Variants in ALK observed in about 807,000 individuals in gnomAD.
ALK encodes the protein ALK receptor tyrosine kinase.
In ALK, 74 loss-of-function variants were observed where a neutral mutation model predicts 163.1. The ratio of observed to expected loss-of-function variants is 0.45; its 90% confidence interval spans 0.38 to 0.55. The LOEUF (loss-of-function observed/expected upper bound fraction) is 0.55, where lower values mean the gene tolerates loss of function less well. Among genes scored for constraint, ALK ranks in the 20% least tolerant of loss-of-function variants. ALK has a pLI of 0.00. For missense variants in ALK, 2,063 were observed against 2,105.3 expected, an observed-to-expected ratio of 0.98 and a Z score of 0.39; for synonymous variants, 960 against 843.2, an observed-to-expected ratio of 1.14 and a Z score of -2.40.
chr2:29,620,363 A>T (rs746278787), intron 3 of ALK, among the ~76,000 whole-genome samples: 3 of 152,118 alleles, frequency 2.0e-5, no homozygotes. Context: ...TCCACCTCTT[A>T]TAAGGATCTA....
At position 29,600,650 on chromosome 2, in the gene ALK, T is replaced by G. The variant is rs373835096; in HGVS notation, c.953-68534A>C. Reference sequence around the variant, plus strand: ...CGTGCTCAGGACTGTTTGTGTACAGTGTCGATTGCATGGTGGGGGTGGCCC... The same window carrying G: ...CGTGCTCAGGACTGTTTGTGTACAGGGTCGATTGCATGGTGGGGGTGGCCC... On this transcript the variant is annotated intron_variant, in intron 3 of 28. Coordinates refer to ENST00000389048, the MANE Select transcript of ALK (RefSeq NM_004304.5). Among the ~76,000 whole-genome samples the G allele has an allele frequency of 2.6e-5, 4 of 152,114 alleles. No individual in the cohort carries two copies. In the East Asian group the frequency reaches 7.7e-4, roughly 29 times the overall value.
At chr2:29,797,281 C>G (rs986069455) in intron 1 of ALK, among the ~76,000 whole-genome samples, 4 of 152,232 alleles carry the variant, frequency 2.6e-5, no homozygotes, top group African/African-American at 4.8e-5. Flanking sequence ...TGCTCTCCCA[C>G]TTCCTTGCCA....
At chr2:29,565,932 T>C (rs997353695) in intron 3 of ALK, among the ~76,000 whole-genome samples, 1 of 152,208 alleles carries the variant, frequency 6.6e-6, no homozygotes, top group Non-Finnish European at 1.5e-5. Context: ...GTGAGGGGAC[T>C]GCTATTAGCA....
chr2:29,391,566 G>C (rs12994460), intron 4 of ALK, among the ~76,000 whole-genome samples: 103,633 of 152,074 alleles, frequency 0.68, 35,550 homozygotes, highest in African/African-American at 0.74. Flanking sequence ...CTCCCAAAGT[G>C]CCTCCTTTGG....
At chr2:29,217,527 C>A (rs1669673802) in intron 23 of ALK, among the ~76,000 whole-genome samples, 1 of 151,582 alleles carries the variant, frequency 6.6e-6, no homozygotes, top group African/African-American at 2.4e-5. Flanking sequence ...CCACAACAGG[C>A]ACGGCTGACC....
At chr2:29,579,802 G>A (rs994951041) in intron 3 of ALK, among the ~76,000 whole-genome samples, 3 of 152,104 alleles carry the variant, frequency 2.0e-5, no homozygotes, top group South Asian at 2.1e-4. Flanking sequence ...TGGGCACACC[G>A]ATATACAGCT....
chr2:29,330,444 C>T (rs980794402), intron 5 of ALK, among the ~76,000 whole-genome samples: 5 of 152,194 alleles, frequency 3.3e-5, no homozygotes, highest in Admixed American at 2.6e-4. Context: ...CTCCAGAACG[C>T]TTGTGCACAA....
intron 3 of ALK, among the ~76,000 whole-genome samples, chr2:29,611,385 T>C (rs556688980): frequency 2.9e-4 from 44 of 152,338 alleles, no homozygotes; most frequent in Admixed American, 1.2e-3. Flanking sequence ...CTATCTACTA[T>C]GTGCCCATCA....
At chr2:29,346,917 T>A (rs960589466) in intron 5 of ALK, among the ~76,000 whole-genome samples, 1 of 152,186 alleles carries the variant, frequency 6.6e-6, no homozygotes, top group Admixed American at 6.5e-5. Flanking sequence ...TGGGTCTTCA[T>A]TCCAATCAGT....
In ALK at chr2:29,320,990, TATAG is replaced by T. The variant is rs1667024847; in HGVS notation, c.1415-112_1415-109del. On this transcript the variant is annotated intron_variant, in intron 6 of 28. Coordinates refer to ENST00000389048, the MANE Select transcript of ALK (RefSeq NM_004304.5). ...ATGACCAAATTATCTTCATTAGTAA[TATAG>T]CTCCCCAGCCAGAATGCTGGATGAC... is the stretch of plus-strand genomic sequence containing the variant. 6 of 1,353,228 alleles carry T rather than the reference TATAG, an allele frequency of 4.4e-6. No individual in the cohort carries two copies. The East Asian group carries it at 1.4e-4, about 31-fold the overall frequency. The allele number at this position is 1,353,228 out of a possible 1,614,324, so 83.8% of individuals were successfully genotyped here.
chr2:29,905,052 G>T (rs1258815472), intron 1 of ALK, among the ~76,000 whole-genome samples: 3 of 152,226 alleles, frequency 2.0e-5, no homozygotes, highest in Admixed American at 6.5e-5. Context: ...TGATAAAGGA[G>T]AGGACATGTG....
chr2:29,745,873 C>T (rs1680196047), intron 1 of ALK, among the ~76,000 whole-genome samples: 1 of 152,202 alleles, frequency 6.6e-6, no homozygotes, highest in African/African-American at 2.4e-5. Flanking sequence ...TGATCCTAGA[C>T]TGTAAAAACC....
intron 4 of ALK, among the ~76,000 whole-genome samples, chr2:29,528,931 C>T (rs1378772197): frequency 6.6e-6 from 1 of 152,170 alleles, no homozygotes; most frequent in Non-Finnish European, 1.5e-5. Flanking sequence ...AGGCTGGGCA[C>T]TCATCTGTCT....
intron 4 of ALK, among the ~76,000 whole-genome samples, chr2:29,451,051 T>G (rs1251971086): frequency 6.6e-6 from 1 of 152,206 alleles, no homozygotes; most frequent in Non-Finnish European, 1.5e-5. Flanking sequence ...TCAACGAGCT[T>G]AATTACATCC....
At chr2:29,836,905 A>G (rs749585267) in intron 1 of ALK, among the ~76,000 whole-genome samples, 17 of 152,224 alleles carry the variant, frequency 1.1e-4, no homozygotes, top group Non-Finnish European at 1.6e-4. Context: ...TGGTCAAGAT[A>G]AAATAACTGG....
intron 5 of ALK, among the ~76,000 whole-genome samples, chr2:29,362,955 T>C (rs535544881): frequency 6.6e-6 from 1 of 152,190 alleles, no homozygotes; most frequent in Non-Finnish European, 1.5e-5. Flanking sequence ...TAACTCCCCA[T>C]CTAGTATTTC....
intron 4 of ALK, among the ~76,000 whole-genome samples, chr2:29,516,880 C>A (rs1672681674): frequency 6.6e-6 from 1 of 152,216 alleles, no homozygotes; most frequent in Non-Finnish European, 1.5e-5. Flanking sequence ...GTGAGTATGT[C>A]TTGTTTTCTA....
At chr2:29,800,613 A>C (rs1166250349) in intron 1 of ALK, among the ~76,000 whole-genome samples, 1 of 152,106 alleles carries the variant, frequency 6.6e-6, no homozygotes, top group Non-Finnish European at 1.5e-5. Flanking sequence ...TTTCCACTGA[A>C]GTGTGGCAAC....
At chr2:29,880,767 T>A (rs372665357) in intron 1 of ALK, among the ~76,000 whole-genome samples, 1 of 152,180 alleles carries the variant, frequency 6.6e-6, no homozygotes, top group Non-Finnish European at 1.5e-5. Context: ...CTTTAAGGAA[T>A]CCTAAGTGTT....
Sources: allele counts gnomAD v4.1 joint callset (sites outside exome capture counted in the v4.1 genomes callset), GRCh38; gene constraint gnomAD v4.1.1; transcripts MANE v1.5; gene names NCBI Gene and HGNC (gene_info 2026-07-23, HGNC 2026-07-21).